Variants in ARL6IP5 observed in about 807,000 individuals in gnomAD.
ARL6IP5 encodes the protein ARF like GTPase 6 interacting protein 5.
In ARL6IP5, 6 loss-of-function variants were observed where a neutral mutation model predicts 13.0. That is an observed-to-expected ratio of 0.46 (90% CI 0.25 to 0.91). The LOEUF (loss-of-function observed/expected upper bound fraction) is 0.91. Ranked by LOEUF, ARL6IP5 falls within the 40% of genes least tolerant of loss-of-function variation. The pLI, the probability that ARL6IP5 is intolerant of heterozygous loss-of-function variation, is 0.17. For synonymous variants in ARL6IP5, 91 were observed against 91.9 expected (o/e 0.99, Z 0.06); for missense variants, 208 against 248.8 (o/e 0.84, Z 1.10).
chr3:69,091,544 G>T (rs1314288478), intron 1 of ARL6IP5, among the ~76,000 whole-genome samples: 1 of 151,924 alleles, frequency 6.6e-6, no homozygotes, highest in African/African-American at 2.4e-5. Flanking sequence ...CAATCCTCCT[G>T]CCTTGGTCTC....
At chr3:69,097,565 C>A (rs550707859) in intron 1 of ARL6IP5, among the ~76,000 whole-genome samples, 172 of 152,238 alleles carry the variant, frequency 1.1e-3, no homozygotes, top group African/African-American at 3.9e-3. Flanking sequence ...CTACAACCTG[C>A]TGAAGGGGAT....
chr3:69,105,605 A>C lies in ARL6IP5; in HGVS notation c.*969A>C, dbSNP rs907300677. 4.6e-5 allele frequency: 7 copies of C among 152,256 alleles called. No individual in the cohort carries two copies. The highest frequency in any genetic ancestry group is 1.9e-4 in the East Asian group (1 of 5,196). 9.4% of individuals were successfully genotyped at this position (152,256 alleles called of 1,614,324 possible). A position where few individuals can be genotyped will look rare whatever the true frequency, so the allele number is the denominator to read the frequency against. ...CGTCTTTAGATGACCAAGCAAAAAGACTTTAAAAAATGGTAATGAAAATGG... is the reference window on the plus strand; with the variant it reads ...CGTCTTTAGATGACCAAGCAAAAAGCCTTTAAAAAATGGTAATGAAAATGG... On this transcript the variant is annotated 3_prime_UTR_variant, in exon 3 of 3. Transcript: ENST00000273258.
intron 1 of ARL6IP5, among the ~76,000 whole-genome samples, chr3:69,086,608 AGGTACAAGTTAGTCAGGGCAG>A (rs1005268188): frequency 2.6e-5 from 4 of 152,208 alleles, no homozygotes; most frequent in African/African-American, 9.7e-5. Flanking sequence ...GTGGCAGCCA[AGGTACAAGTTAGTCAGGGCAG>A]GGTGGGGCAG....
At chr3:69,094,342 C>T (rs150910611) in intron 1 of ARL6IP5, among the ~76,000 whole-genome samples, 250 of 152,332 alleles carry the variant, frequency 1.6e-3, no homozygotes, top group African/African-American at 5.9e-3. Context: ...GCACCAACTC[C>T]ACACCTATAT....
intron 1 of ARL6IP5, among the ~76,000 whole-genome samples, chr3:69,101,148 G>A (rs368850261): frequency 2.0e-5 from 3 of 151,996 alleles, no homozygotes; most frequent in African/African-American, 7.2e-5. Flanking sequence ...CTTCTCTGAG[G>A]ATTTAAATAA....
intron 1 of ARL6IP5, among the ~76,000 whole-genome samples, chr3:69,094,136 T>C (rs572706708): frequency 7.9e-5 from 12 of 152,284 alleles, no homozygotes; most frequent in African/African-American, 2.9e-4. Flanking sequence ...ATAGAAACCC[T>C]GAGTGGATGG....
intron 1 of ARL6IP5, among the ~76,000 whole-genome samples, chr3:69,101,218 T>C (rs9874444): frequency 0.46 from 69,254 of 151,332 alleles, 16,094 homozygotes; most frequent in Admixed American, 0.51. Flanking sequence ...GTAAGGAAGC[T>C]AAACATAGTA....
Position 69,098,287 on chromosome 3 carries a change from C to T in ARL6IP5, c.177-3552C>T, listed in dbSNP as rs1481632322. Among the ~76,000 whole-genome samples, 5 of 147,872 alleles carry T rather than the reference C, an allele frequency of 3.4e-5. No individual in the cohort carries two copies. The South Asian group carries it at 1.1e-3, about 32-fold the overall frequency. ...GAGACATAGTTTTGCTCTTGTTGCC[C>T]AGGCTGGAGTGCAATGGCACCATCT... is the stretch of plus-strand genomic sequence containing the variant. On this transcript the variant is annotated intron_variant, in intron 1 of 2. Coordinates refer to ENST00000273258, the MANE Select transcript of ARL6IP5 (RefSeq NM_006407.4).
rs111541108 is a variant in ARL6IP5 at position 69,098,481 on chromosome 3, G to A, written c.177-3358G>A. On this transcript the variant is annotated intron_variant, in intron 1 of 2. Transcript: ENST00000273258. ...GCTGGTCTTGAACTCCTGACCTCAG[G>A]TGATCTGCCCGCCTCAGCCTCCCAA... Among the ~76,000 whole-genome samples, 18 of 151,662 alleles carry A rather than the reference G, an allele frequency of 1.2e-4. No individual in the cohort carries two copies. The East Asian group carries it at 3.5e-3, about 29-fold the overall frequency.
At position 69,104,542 on chromosome 3, in the gene ARL6IP5, A is replaced by G. The variant is rs1559655777; in HGVS notation, c.473A>G (p.Lys158Arg). The G allele has an allele frequency of 6.2e-7, 1 of 1,614,008 alleles. No homozygotes were observed. The highest frequency in any genetic ancestry group is 1.7e-5 in the Admixed American group (1 of 59,988). Residue 158 changes from lysine (K) to arginine (R), a missense_variant, in exon 3 of 3, where the codon AAG becomes AGG. By Grantham distance (26) the Lys-to-Arg change is conservative (BLOSUM62 2). Transcript: ENST00000273258. ...AATAAAATGGAAGGAATAGGTTTGA[A>G]GAGGACACCGATGGGCATTGTCCTG... ...LENKMEGIGL[K>R]RTPMGIVLDA... is the part of the protein sequence containing the mutation.
At position 69,101,982 on chromosome 3, in the gene ARL6IP5, T is replaced by A; in HGVS notation, c.320T>A (p.Leu107Ter). 6.2e-7 allele frequency: 1 copy of A among 1,614,138 alleles called. No homozygotes were observed. Among genetic ancestry groups the A allele is most frequent in the Non-Finnish European group, 8.5e-7 (1 of 1,180,022 alleles). ...YPTTFVMVVMLASYFLISMFG... is the reference protein window; with the variant it reads ...YPTTFVMVVM ...ACGACGTTCGTTATGGTGGTCATGT[T>A]GGCGAGCTATTTCCTTATCTCCATG... The change falls in exon 2 of 3, where the codon TTG becomes TAG. Residue 107 changes from leucine (L) to a stop codon, truncating the protein, a stop_gained. Coordinates refer to ENST00000273258, the MANE Select transcript of ARL6IP5 (RefSeq NM_006407.4). LOFTEE classifies it high-confidence loss of function.
At chr3:69,102,203 A>C in intron 2 of ARL6IP5, 147 bp downstream of exon 2, 1 of 790,106 alleles carries the variant, frequency 1.3e-6, no homozygotes, top group Non-Finnish European at 2.0e-6. Flanking sequence ...TTGTTATCCA[A>C]CTAGACCCAG....
At chr3:69,096,500 C>T (rs1399256383) in intron 1 of ARL6IP5, among the ~76,000 whole-genome samples, 1 of 151,994 alleles carries the variant, frequency 6.6e-6, no homozygotes, top group Non-Finnish European at 1.5e-5. Flanking sequence ...TGCTGCCAGC[C>T]AACCCACTCC....
Position 69,099,145 on chromosome 3 carries a change from TG to T in ARL6IP5, c.177-2692del, listed in dbSNP as rs1299160407. Among the ~76,000 whole-genome samples the T allele has an allele frequency of 8.6e-4, 67 of 77,990 alleles. 1 individual carries two copies. The highest frequency in any genetic ancestry group is 3.3e-3 in the African/African-American group (61 of 18,642). The allele number at this position is 77,990 out of a possible 152,430, so 51.2% of individuals were successfully genotyped here. ...GCTGAGGGGCGGGGGGGGTGGGGGGTGGATCACATGAGGTCAGGAGTTCGAG... is the reference window on the plus strand; with the variant it reads ...GCTGAGGGGCGGGGGGGGTGGGGGGTGATCACATGAGGTCAGGAGTTCGAG... On this transcript the variant is annotated intron_variant, in intron 1 of 2. Transcript: ENST00000273258.
chr3:69,101,316 C>CTT lies in ARL6IP5; in HGVS notation c.177-503_177-502dup, dbSNP rs549402201. On this transcript the variant is annotated intron_variant, in intron 1 of 2. Transcript: ENST00000273258. ...TGCCTGGGTGTGATCTCAGCTCCAC[C>CTT]TTTTTTTTTTTTTTTTTTTTTAATG... Among the ~76,000 whole-genome samples the CTT allele has an allele frequency of 3.1e-3, 366 of 119,442 alleles. 11 individuals carry two copies. Among genetic ancestry groups the CTT allele is most frequent in the African/African-American group, 0.012 (339 of 28,108 alleles). 78.4% of individuals were successfully genotyped at this position (119,442 alleles called of 152,430 possible).
chr3:69,095,392 A>G (rs1187492899), intron 1 of ARL6IP5, among the ~76,000 whole-genome samples: 2 of 151,554 alleles, frequency 1.3e-5, no homozygotes, highest in African/African-American at 4.8e-5. Flanking sequence ...TAAAATATAT[A>G]CAAACATATG....
intron 1 of ARL6IP5, among the ~76,000 whole-genome samples, chr3:69,094,155 T>C (rs928292019): frequency 2.0e-5 from 3 of 152,106 alleles, no homozygotes; most frequent in African/African-American, 7.2e-5. Context: ...GGGGGTGCAA[T>C]CAGGAGATGG....
chr3:69,093,876 TGTGGGAGAAA>T (rs755731860), intron 1 of ARL6IP5, among the ~76,000 whole-genome samples: 13 of 151,638 alleles, frequency 8.6e-5, no homozygotes, highest in Non-Finnish European at 1.5e-4. Context: ...GTCACTTGAG[TGTGGGAGAAA>T]GAGGCTGCAG....
At chr3:69,096,031 G>GTC (rs1553685891) in intron 1 of ARL6IP5, among the ~76,000 whole-genome samples, 41 of 152,266 alleles carry the variant, frequency 2.7e-4, no homozygotes, top group African/African-American at 9.6e-4. Flanking sequence ...GTGTGTGTGT[G>GTC]TGTCTGTCTG....
Sources: allele counts gnomAD v4.1 joint callset (sites outside exome capture counted in the v4.1 genomes callset), GRCh38; gene constraint gnomAD v4.1.1; transcripts MANE v1.5; gene names NCBI Gene and HGNC (gene_info 2026-07-23, HGNC 2026-07-21).